Variants in CBFB observed in about 807,000 individuals in gnomAD.
CBFB encodes the protein CBF-beta.
Under a neutral mutation model 30.4 loss-of-function variants are expected in CBFB, and 9 were observed. The observed-to-expected ratio is 0.30, with a 90% CI of 0.18 to 0.52. CBFB has a LOEUF of 0.52. CBFB is among the 20% of genes least tolerant of loss of function. The pLI, the probability that CBFB is intolerant of heterozygous loss-of-function variation, is 0.97. For missense variants in CBFB, 170 were observed against 244.0 expected (o/e 0.70, Z 2.02); for synonymous variants, 94 against 84.0 (o/e 1.12, Z -0.65).
intron 3 of CBFB, among the ~76,000 whole-genome samples, chr16:67,043,247 T>C (rs1966562211): frequency 6.6e-6 from 1 of 152,192 alleles, no homozygotes; most frequent in Admixed American, 6.5e-5. Flanking sequence ...AATACTCACT[T>C]AAATTTAGCG....
Position 67,099,013 on chromosome 16 carries a change from T to G in CBFB, c.*235T>G. On this transcript the variant is annotated 3_prime_UTR_variant, in exon 6 of 6. Coordinates refer to ENST00000412916, the MANE Select transcript of CBFB (RefSeq NM_022845.3). ...GTAATAATTTGAAGTTTTTTTTCTA[T>G]GCAAGCTTACCTTGTTGGCATTATT... is the stretch of plus-strand genomic sequence containing the variant. 1 of 409,426 alleles carries G rather than the reference T, an allele frequency of 2.4e-6. No individual in the cohort carries two copies. 25.4% of individuals were successfully genotyped at this position (409,426 alleles called of 1,614,324 possible). A position where few individuals can be genotyped will look rare whatever the true frequency, so the allele number is the denominator to read the frequency against.
Position 67,100,652 on chromosome 16 carries a change from A to G in CBFB, c.*1874A>G, listed in dbSNP as rs894734867. On this transcript the variant is annotated 3_prime_UTR_variant, in exon 6 of 6. Coordinates refer to ENST00000412916, the MANE Select transcript of CBFB (RefSeq NM_022845.3). ...CTGCACTTAAATTTTTTTAAATAAC[A>G]TGATGATGGTACATTTTCCTCTATT... is the stretch of plus-strand genomic sequence containing the variant. The G allele has an allele frequency of 1.8e-5, 4 of 221,262 alleles. No individual in the cohort carries two copies. Among genetic ancestry groups the G allele is most frequent in the Admixed American group, 1.2e-4 (2 of 17,360 alleles). 13.7% of individuals were successfully genotyped at this position (221,262 alleles called of 1,614,324 possible).
At chr16:67,083,960 G>A (rs1295883084) in intron 5 of CBFB, among the ~76,000 whole-genome samples, 1 of 151,696 alleles carries the variant, frequency 6.6e-6, no homozygotes, top group Non-Finnish European at 1.5e-5. Context: ...CTTGAGGCTG[G>A]GAATTTTAGA....
chr16:67,066,139 A>G (rs1961044850), intron 3 of CBFB, among the ~76,000 whole-genome samples: 1 of 152,114 alleles, frequency 6.6e-6, no homozygotes, highest in Admixed American at 6.6e-5. Flanking sequence ...TGAGGGGAGT[A>G]TCAACAGCCT....
rs181761123 is a variant in CBFB, at chr16:67,051,596, G to C, written c.282+14841G>C. On this transcript the variant is annotated intron_variant, in intron 3 of 5. Coordinates refer to ENST00000412916, the MANE Select transcript of CBFB (RefSeq NM_022845.3). The stretch of plus-strand genomic sequence containing the variant: ...TATTTCTATCAACTTAACTAAATTA[G>C]TTTTCTAAGTGTCATCATGAATAGC... Among the ~76,000 whole-genome samples, 352 of 151,838 alleles carry C rather than the reference G, an allele frequency of 2.3e-3. 2 individuals carry two copies. Among genetic ancestry groups the C allele is most frequent in the African/African-American group, 8.1e-3 (334 of 41,404 alleles).
chr16:67,053,378 C>A (rs547723821), intron 3 of CBFB, among the ~76,000 whole-genome samples: 1 of 151,110 alleles, frequency 6.6e-6, no homozygotes, highest in Admixed American at 6.6e-5. Context: ...CTCAGCCTCC[C>A]GAGTAGCTGG....
At position 67,099,147 on chromosome 16, in the gene CBFB, T is replaced by C. The variant is rs1962144452; in HGVS notation, c.*369T>C. 3.9e-6 allele frequency: 1 copy of C among 254,940 alleles called. No homozygotes were observed. The highest frequency in any genetic ancestry group is 7.5e-6 in the Non-Finnish European group (1 of 133,602). 15.8% of individuals were successfully genotyped at this position (254,940 alleles called of 1,614,324 possible). A position where few individuals can be genotyped will look rare whatever the true frequency, so the allele number is the denominator to read the frequency against. ...AAATTAAAATTGTATCAGAGGGTTT[T>C]CTCTAATCATTTTTTCTATTTTTTT... is the stretch of plus-strand genomic sequence containing the variant. On this transcript the variant is annotated 3_prime_UTR_variant, in exon 6 of 6. Transcript: ENST00000412916.
At chr16:67,083,698 C>A (rs116383528) in intron 5 of CBFB, among the ~76,000 whole-genome samples, 7,364 of 151,982 alleles carry the variant, frequency 0.048, 520 homozygotes, top group African/African-American at 0.15. Flanking sequence ...GAGCTTTTTT[C>A]CCCCCACTTT....
intron 3 of CBFB, among the ~76,000 whole-genome samples, chr16:67,062,508 G>A (rs528525427): frequency 4.0e-5 from 6 of 151,120 alleles, no homozygotes; most frequent in African/African-American, 1.5e-4. Context: ...ATATGAATAA[G>A]CTGGCCGGTG....
At chr16:67,057,432 C>T (rs1440805157) in intron 3 of CBFB, among the ~76,000 whole-genome samples, 2 of 152,072 alleles carry the variant, frequency 1.3e-5, no homozygotes, top group African/African-American at 4.8e-5. Flanking sequence ...TTTTTTTTTA[C>T]ATCTTTGATT....
In CBFB at chr16:67,036,923, C is replaced by T. The variant is rs543720026; in HGVS notation, c.282+168C>T. ...TAATATAATTTTTTTTTTTTAATGG[C>T]GTTTCGCTCTTGTTGCCCAGGCTGG... On this transcript the variant is annotated intron_variant, in intron 3 of 5. Coordinates refer to ENST00000412916, the MANE Select transcript of CBFB (RefSeq NM_022845.3). 5.3e-5 allele frequency among the ~76,000 whole-genome samples: 8 copies of T among 150,792 alleles called. No homozygotes were observed. In the South Asian group the frequency reaches 1.5e-3, roughly 28 times the overall value.
intron 2 of CBFB, among the ~76,000 whole-genome samples, chr16:67,031,015 A>T (rs934318886): frequency 6.6e-6 from 1 of 152,258 alleles, no homozygotes; most frequent in African/African-American, 2.4e-5. Flanking sequence ...TTGGGTTAAC[A>T]GTAGGAAGAC....
intron 3 of CBFB, among the ~76,000 whole-genome samples, chr16:67,038,753 C>T (rs1190759026): frequency 1.3e-5 from 2 of 150,786 alleles, no homozygotes. Flanking sequence ...AACATGGTAG[C>T]TCAGATACTA....
intron 3 of CBFB, among the ~76,000 whole-genome samples, chr16:67,066,232 T>C (rs1961048008): frequency 6.6e-6 from 1 of 151,836 alleles, no homozygotes; most frequent in Admixed American, 6.6e-5. Flanking sequence ...TTGTTTTCCA[T>C]CTTTCTACCC....
At chr16:67,033,236 A>G (rs1309722986) in intron 2 of CBFB, among the ~76,000 whole-genome samples, 1 of 152,218 alleles carries the variant, frequency 6.6e-6, no homozygotes, top group African/African-American at 2.4e-5. Flanking sequence ...CTTTAACTAT[A>G]AAACTCAATC....
chr16:67,068,212 C>T (rs1437245718), intron 4 of CBFB, among the ~76,000 whole-genome samples: 1 of 152,290 alleles, frequency 6.6e-6, no homozygotes, highest in East Asian at 1.9e-4. Context: ...TGCGCAGTGG[C>T]TCATGCTTAT....
chr16:67,030,873 C>A (rs1387408659), intron 2 of CBFB, among the ~76,000 whole-genome samples: 1 of 152,156 alleles, frequency 6.6e-6, no homozygotes, highest in African/African-American at 2.4e-5. Flanking sequence ...GGATTACAGG[C>A]GTGAGCCACT....
chr16:67,076,470 T>C (rs1333834541), intron 4 of CBFB, among the ~76,000 whole-genome samples: 1 of 152,096 alleles, frequency 6.6e-6, no homozygotes, highest in African/African-American at 2.4e-5. Context: ...CCAATACATG[T>C]TTTTCCCCCC....
intron 3 of CBFB, among the ~76,000 whole-genome samples, chr16:67,056,984 G>A (rs1960747023): frequency 1.3e-5 from 2 of 151,394 alleles, no homozygotes; most frequent in Admixed American, 1.3e-4. Flanking sequence ...CCGGCCTCTA[G>A]CAGGCTTTTT....
Sources: allele counts gnomAD v4.1 joint callset (sites outside exome capture counted in the v4.1 genomes callset), GRCh38; gene constraint gnomAD v4.1.1; transcripts MANE v1.5; gene names NCBI Gene and HGNC (gene_info 2026-07-23, HGNC 2026-07-21).